The following FRMD4A variants were observed in gnomAD, a reference collection of about 807,000 sequenced individuals.
FRMD4A encodes the protein FERM domain containing 4A.
A neutral mutation model predicts 129.1 loss-of-function variants in FRMD4A; 29 were observed. The observed-to-expected ratio is 0.22, with a 90% CI of 0.17 to 0.31. The LOEUF (loss-of-function observed/expected upper bound fraction) is 0.31. Ranked by LOEUF, FRMD4A falls within the 10% of genes least tolerant of loss-of-function variation. FRMD4A has a pLI of 1.00. For synonymous variants in FRMD4A, 634 were observed against 571.6 expected, an observed-to-expected ratio of 1.11 and a Z score of -1.56; for missense variants, 1,272 against 1,375.8, an observed-to-expected ratio of 0.92 and a Z score of 1.19.
intron 2 of FRMD4A, among the ~76,000 whole-genome samples, chr10:14,216,983 C>A (rs1311252575): frequency 3.9e-5 from 6 of 152,140 alleles, no homozygotes; most frequent in African/African-American, 1.4e-4. Context: ...ACACACTGAT[C>A]CCAAGGACAA....
At chr10:13,815,163 G>T in intron 3 of FRMD4A, among the ~76,000 whole-genome samples, 1 of 152,218 alleles carries the variant, frequency 6.6e-6, no homozygotes, top group Non-Finnish European at 1.5e-5. Context: ...CAGGCAGGCT[G>T]TCCTGGGTCT....
At chr10:14,045,786 T>A (rs1431868916) in intron 2 of FRMD4A, among the ~76,000 whole-genome samples, 1 of 145,626 alleles carries the variant, frequency 6.9e-6, no homozygotes, top group African/African-American at 2.5e-5. Context: ...ATAATCATAT[T>A]ATATATGATA....
At chr10:13,917,004 G>C (rs1565033550) in intron 2 of FRMD4A, among the ~76,000 whole-genome samples, 1 of 152,150 alleles carries the variant, frequency 6.6e-6, no homozygotes, top group African/African-American at 2.4e-5. Flanking sequence ...GAAAAGAATT[G>C]TCTCTGTGTG....
intron 2 of FRMD4A, among the ~76,000 whole-genome samples, chr10:14,254,268 G>A (rs1032036674): frequency 1.3e-5 from 2 of 152,204 alleles, no homozygotes; most frequent in Non-Finnish European, 2.9e-5. Context: ...ACACCCTTAG[G>A]TGGGCCTATA....
intron 2 of FRMD4A, among the ~76,000 whole-genome samples, chr10:14,106,588 C>T (rs1837599446): frequency 6.6e-6 from 1 of 152,162 alleles, no homozygotes; most frequent in Non-Finnish European, 1.5e-5. Context: ...TTTCCTTTTT[C>T]TCACATGATA....
chr10:13,835,952 T>C (rs1325722124), intron 3 of FRMD4A, among the ~76,000 whole-genome samples: 1 of 152,192 alleles, frequency 6.6e-6, no homozygotes, highest in African/African-American at 2.4e-5. Context: ...ACTAAGTATT[T>C]AGAGAGTGTC....
At chr10:13,684,974 G>C (rs532041701) in intron 15 of FRMD4A, 119 of 983,590 alleles carry the variant, frequency 1.2e-4, no homozygotes, top group Non-Finnish European at 1.4e-4. Context: ...TGAGGAAAAG[G>C]TTAGAATTCT....
chr10:14,204,541 A>T (rs1471125690), intron 2 of FRMD4A, among the ~76,000 whole-genome samples: 1 of 152,248 alleles, frequency 6.6e-6, no homozygotes, highest in Non-Finnish European at 1.5e-5. Flanking sequence ...GAATTGCCAT[A>T]GTCACGGTTC....
chr10:13,679,455 A>T (rs1589333602), intron 15 of FRMD4A, among the ~76,000 whole-genome samples: 2 of 89,666 alleles, frequency 2.2e-5, no homozygotes, highest in Non-Finnish European at 4.1e-5. Flanking sequence ...AAAAAAAAAA[A>T]AAAAAATATA....
intron 2 of FRMD4A, among the ~76,000 whole-genome samples, chr10:14,155,073 C>T (rs1456151466): frequency 6.6e-6 from 1 of 152,170 alleles, no homozygotes; most frequent in African/African-American, 2.4e-5. Flanking sequence ...AAGAGGACTG[C>T]AAGCCAGGAA....
intron 2 of FRMD4A, among the ~76,000 whole-genome samples, chr10:14,220,938 G>A (rs952757385): frequency 4.6e-5 from 7 of 151,972 alleles, no homozygotes; most frequent in African/African-American, 1.7e-4. Flanking sequence ...CATATTGGCT[G>A]GATTGAGGAG....
At chr10:13,666,854 G>T (rs2083079858) in intron 17 of FRMD4A, among the ~76,000 whole-genome samples, 1 of 150,634 alleles carries the variant, frequency 6.6e-6, no homozygotes, top group Admixed American at 6.6e-5. Flanking sequence ...CACATATCTT[G>T]TCTTTCCCTG....
intron 4 of FRMD4A, among the ~76,000 whole-genome samples, chr10:13,803,783 G>C (rs750868981): frequency 2.0e-5 from 3 of 152,208 alleles, no homozygotes; most frequent in Non-Finnish European, 4.4e-5. Context: ...TTTGTTAAGA[G>C]AATGAATACA....
intron 2 of FRMD4A, among the ~76,000 whole-genome samples, chr10:13,983,077 C>T (rs969525818): frequency 4.6e-5 from 7 of 152,186 alleles, no homozygotes; most frequent in Admixed American, 1.3e-4. Context: ...TCTCCTGCCT[C>T]GGCCTCCCAA....
intron 3 of FRMD4A, among the ~76,000 whole-genome samples, chr10:13,846,248 A>G (rs1290667907): frequency 2.0e-5 from 3 of 152,242 alleles, no homozygotes; most frequent in Non-Finnish European, 4.4e-5. Flanking sequence ...GTGCCAAAGT[A>G]ATTGTGGTTT....
intron 2 of FRMD4A, among the ~76,000 whole-genome samples, chr10:13,921,248 T>TC (rs1554970453): frequency 1.3e-5 from 1 of 74,778 alleles, no homozygotes; most frequent in Non-Finnish European, 3.0e-5. Flanking sequence ...CTTTCTCTCT[T>TC]TCTCTCTCTC....
At chr10:14,277,806 C>T (rs1436599434) in intron 2 of FRMD4A, among the ~76,000 whole-genome samples, 1 of 152,216 alleles carries the variant, frequency 6.6e-6, no homozygotes, top group Non-Finnish European at 1.5e-5. Flanking sequence ...GGAAGGGAGG[C>T]CCACTCAGCA....
In FRMD4A at chr10:14,167,882, G is replaced by A. The variant is rs116048671; in HGVS notation, c.45+162176C>T. 7.4e-3 allele frequency among the ~76,000 whole-genome samples: 1,126 copies of A among 152,244 alleles called. 10 individuals are homozygous for A. Among genetic ancestry groups the A allele is most frequent in the African/African-American group, 0.026 (1,072 of 41,532 alleles). Reference sequence around the variant, plus strand: ...GTACGCCAGGCTCAGGGAGCTATAGGGCATCCCCGTGGATAGACAGAGGGT... The same window carrying A: ...GTACGCCAGGCTCAGGGAGCTATAGAGCATCCCCGTGGATAGACAGAGGGT... On this transcript the variant is annotated intron_variant, in intron 2 of 24. Coordinates refer to ENST00000357447, the MANE Select transcript of FRMD4A (RefSeq NM_018027.5).
At chr10:13,903,114 C>T (rs1476391376) in intron 2 of FRMD4A, among the ~76,000 whole-genome samples, 4 of 152,142 alleles carry the variant, frequency 2.6e-5, no homozygotes, top group Non-Finnish European at 5.9e-5. Flanking sequence ...AGGCCCTCCT[C>T]CAGATACCAG....
Sources: gnomAD v4.1 joint callset for allele counts (sites outside exome capture counted in the v4.1 genomes callset) on GRCh38, gnomAD v4.1.1 for gene constraint, MANE v1.5 for transcripts, NCBI Gene and HGNC (gene_info 2026-07-23, HGNC 2026-07-21) for gene names.